PLD5: variants seen among roughly 807,000 people sequenced by gnomAD.
PLD5 encodes the protein phospholipase D family member 5, also known as inactive phospholipase D5.
Under a neutral mutation model 61.1 loss-of-function variants are expected in PLD5, and 36 were observed. That is an observed-to-expected ratio of 0.59 (90% CI 0.45 to 0.78). PLD5 has a LOEUF of 0.78. PLD5 is among the 30% of genes least tolerant of loss of function. PLD5 has a pLI of 0.00. For synonymous variants in PLD5, 243 were observed against 242.8 expected (o/e 1.00, Z -0.01); for missense variants, 515 against 644.4 (o/e 0.80, Z 2.17).
chr1:242,289,575 A>C (rs188351515), intron 2 of PLD5, among the ~76,000 whole-genome samples: 27 of 151,620 alleles, frequency 1.8e-4, no homozygotes, highest in African/African-American at 6.1e-4. Context: ...CTGGTCTCGA[A>C]CTCCTGACCT....
In PLD5 at chr1:242,089,412, A is replaced by C; in HGVS notation, c.*442T>G. ...TGTGTAGGTCTTGGAGACGATTTAC[A>C]AGAATAAACACTTGGTTTTATCAGT... is the stretch of plus-strand genomic sequence containing the variant. On this transcript the variant is annotated 3_prime_UTR_variant, in exon 10 of 10. Transcript: ENST00000536534. The C allele has an allele frequency of 5.0e-6, 2 of 397,448 alleles. No homozygotes were observed. Among genetic ancestry groups the C allele is most frequent in the Non-Finnish European group, 8.9e-6 (2 of 225,938 alleles). 24.6% of individuals were successfully genotyped at this position (397,448 alleles called of 1,614,324 possible). A position where few individuals can be genotyped will look rare whatever the true frequency, so the allele number is the denominator to read the frequency against.
At chr1:242,381,625 C>T (rs1167455963) in intron 1 of PLD5, among the ~76,000 whole-genome samples, 1 of 152,168 alleles carries the variant, frequency 6.6e-6, no homozygotes, top group African/African-American at 2.4e-5. Flanking sequence ...GTTCATTTTT[C>T]ACTTCTCCTT....
At chr1:242,130,764 C>A (rs1174561385) in intron 5 of PLD5, among the ~76,000 whole-genome samples, 2 of 152,202 alleles carry the variant, frequency 1.3e-5, no homozygotes, top group Non-Finnish European at 2.9e-5. Flanking sequence ...TTCAATCACA[C>A]AGTTGATTTA....
chr1:242,307,622 C>T (rs1347804700), intron 2 of PLD5, among the ~76,000 whole-genome samples: 1 of 152,162 alleles, frequency 6.6e-6, no homozygotes, highest in Non-Finnish European at 1.5e-5. Context: ...CCCTTGGAAG[C>T]TTCTCTCACA....
At chr1:242,166,554 C>T (rs770719202) in intron 5 of PLD5, among the ~76,000 whole-genome samples, 63 of 152,152 alleles carry the variant, frequency 4.1e-4, no homozygotes, top group Non-Finnish European at 8.2e-4. Flanking sequence ...CATTCGACTC[C>T]GAAACCCGAA....
chr1:242,322,183 C>T (rs752599518), intron 2 of PLD5, among the ~76,000 whole-genome samples: 18 of 152,152 alleles, frequency 1.2e-4, no homozygotes, highest in African/African-American at 2.4e-4. Context: ...GCGTTGACTC[C>T]GCACCAGGCA....
chr1:242,450,148 C>T (rs911136276), intron 1 of PLD5, among the ~76,000 whole-genome samples: 3 of 152,164 alleles, frequency 2.0e-5, no homozygotes, highest in African/African-American at 7.2e-5. Flanking sequence ...CACGTTTTAT[C>T]GTTTAAAAAT....
rs543331224 is a variant in PLD5, at chr1:242,475,286, G to A, written c.189+48802C>T. The stretch of plus-strand genomic sequence containing the variant: ...AAAATACAAAAAATTAGCTGGGCGC[G>A]GTGGCGGGCGCCTGTAGTCCCAGCT... On this transcript the variant is annotated intron_variant, in intron 1 of 9. Coordinates refer to ENST00000536534, the MANE Select transcript of PLD5 (RefSeq NM_001372062.1). Among the ~76,000 whole-genome samples, 12 of 151,982 alleles carry A rather than the reference G, an allele frequency of 7.9e-5. No individual in the cohort carries two copies. The East Asian group carries it at 1.4e-3, about 17-fold the overall frequency.
intron 1 of PLD5, among the ~76,000 whole-genome samples, chr1:242,405,578 C>T (rs182859790): frequency 6.6e-6 from 1 of 151,352 alleles, no homozygotes; most frequent in East Asian, 2.0e-4. Context: ...TACGTTGCAC[C>T]ATATGAAACT....
At position 242,084,750 on chromosome 1, in the gene PLD5, G is replaced by GTTTTTTTT. The variant is rs1162808490; in HGVS notation, c.*5096_*5103dup. 2 of 73,618 alleles carry GTTTTTTTT rather than the reference G, an allele frequency of 2.7e-5. No individual in the cohort carries two copies. Among genetic ancestry groups the GTTTTTTTT allele is most frequent in the East Asian group, 9.6e-4 (2 of 2,080 alleles). The allele number at this position is 73,618 out of a possible 1,614,324, so 4.6% of individuals were successfully genotyped here. On this transcript the variant is annotated 3_prime_UTR_variant, in exon 10 of 10. Transcript: ENST00000536534. ...CTCAGAATGAACATTTATTGGAAAG[G>GTTTTTTTT]TTTTTTTTTTTTTTTTTTTTTTTTT... is the stretch of plus-strand genomic sequence containing the variant.
In PLD5 at chr1:242,265,375, G is replaced by C; in HGVS notation, c.569C>G (p.Thr190Arg). The C allele has an allele frequency of 6.2e-7, 1 of 1,612,800 alleles. No individual in the cohort carries two copies. Among genetic ancestry groups the C allele is most frequent in the Non-Finnish European group, 8.5e-7 (1 of 1,179,606 alleles). Residue 190 changes from threonine (T) to arginine (R), a missense_variant, in exon 4 of 10, where the codon ACA (threonine) becomes AGA (arginine). Physicochemically the swap from Thr to Arg is moderately conservative, Grantham distance 71. Around this residue, in one of 2 missense-constraint regions of PLD5, gnomAD observed 450 missense variants for 598.1 expected, o/e 0.75. Coordinates refer to ENST00000536534, the MANE Select transcript of PLD5 (RefSeq NM_001372062.1). ...GGCTTCTAATACCTTTGAATCAGCT[G>C]TTACATCACTCACTAGCTTGATTTC... ...NIEIKLVSDV[T>R]ADSKVLEALK...
intron 1 of PLD5, among the ~76,000 whole-genome samples, chr1:242,458,200 T>A (rs1203209397): frequency 6.6e-6 from 1 of 152,224 alleles, no homozygotes; most frequent in Non-Finnish European, 1.5e-5. Flanking sequence ...CTTTAGGACC[T>A]GCATGTCCTC....
At chr1:242,317,008 CTTT>C (rs913777385) in intron 2 of PLD5, among the ~76,000 whole-genome samples, 1 of 144,192 alleles carries the variant, frequency 6.9e-6, no homozygotes, top group Non-Finnish European at 1.5e-5. Context: ...ATCCAGTCTA[CTTT>C]TTTTTTTTTT....
chr1:242,089,163 A>T lies in PLD5; in HGVS notation c.*691T>A, dbSNP rs1659623443. ...TGAAAGACTGCTATTTCCACTTAGTATCCATTCTGAAAAATTTGTATGTTT... is the reference window on the plus strand; with the variant it reads ...TGAAAGACTGCTATTTCCACTTAGTTTCCATTCTGAAAAATTTGTATGTTT... On this transcript the variant is annotated 3_prime_UTR_variant, in exon 10 of 10. Transcript: ENST00000536534. The T allele has an allele frequency of 1.3e-5, 5 of 394,732 alleles. No individual in the cohort carries two copies. The South Asian group carries it at 7.0e-4, about 56-fold the overall frequency. The allele number at this position is 394,732 out of a possible 1,614,324, so 24.5% of individuals were successfully genotyped here.
chr1:242,522,455 C>T (rs938028016), intron 1 of PLD5, among the ~76,000 whole-genome samples: 8 of 152,138 alleles, frequency 5.3e-5, no homozygotes, highest in African/African-American at 1.7e-4. Flanking sequence ...ATGCGTGCAC[C>T]GCTCATGACT....
At chr1:242,382,641 A>T (rs2153844) in intron 1 of PLD5, among the ~76,000 whole-genome samples, 61,331 of 151,984 alleles carry the variant, frequency 0.4, 12,853 homozygotes, top group Admixed American at 0.51. Flanking sequence ...GTGGTAAGGA[A>T]GGTTGGAGAA....
At chr1:242,325,513 C>A (rs1658705552) in intron 2 of PLD5, among the ~76,000 whole-genome samples, 1 of 151,554 alleles carries the variant, frequency 6.6e-6, no homozygotes, top group Non-Finnish European at 1.5e-5. Flanking sequence ...GAGAGAGAGT[C>A]AGAGAGAGTC....
chr1:242,242,080 C>T lies in PLD5; in HGVS notation c.608-21965G>A, dbSNP rs112411586. 8.0e-3 allele frequency among the ~76,000 whole-genome samples: 1,182 copies of T among 147,816 alleles called. 8 individuals carry two copies. Among genetic ancestry groups the T allele is most frequent in the Middle Eastern group, 0.014 (4 of 286 alleles). The stretch of plus-strand genomic sequence containing the variant: ...TGGAGAGAAGGATGTGGAGAATTGA[C>T]AAAATGATCATTAAAAAATCCAAAT... On this transcript the variant is annotated intron_variant, in intron 4 of 9. Transcript: ENST00000536534.
chr1:242,467,652 CTG>C (rs1186821425), intron 1 of PLD5, among the ~76,000 whole-genome samples: 1 of 152,132 alleles, frequency 6.6e-6, no homozygotes, highest in African/African-American at 2.4e-5. Context: ...CCTCTCAACA[CTG>C]TGCAATGATG....
Sources: allele counts gnomAD v4.1 joint callset (sites outside exome capture counted in the v4.1 genomes callset), GRCh38; gene constraint gnomAD v4.1.1; regional missense constraint gnomAD v4.1.1; transcripts MANE v1.5; gene names NCBI Gene and HGNC (gene_info 2026-07-23, HGNC 2026-07-21).